Variants in ANKS1B observed in about 807,000 individuals in gnomAD.
The protein encoded by ANKS1B is ankyrin repeat and sterile alpha motif domain containing 1B, also known as ankyrin repeat and sterile alpha motif domain-containing protein 1B.
In ANKS1B, 36 loss-of-function variants were observed where a neutral mutation model predicts 148.3. The observed-to-expected ratio is 0.24, with a 90% confidence interval of 0.19 to 0.32. ANKS1B has a LOEUF of 0.32. Among genes scored for constraint, ANKS1B ranks in the 10% least tolerant of loss-of-function variants. ANKS1B has a pLI of 1.00. For synonymous variants in ANKS1B, 542 were observed against 560.8 expected (o/e 0.97, Z 0.47); for missense variants, 1,157 against 1,542.6 (o/e 0.75, Z 4.19).
At chr12:99,269,207 A>C (rs1413586496) in intron 12 of ANKS1B, among the ~76,000 whole-genome samples, 1 of 152,196 alleles carries the variant, frequency 6.6e-6, no homozygotes, top group Non-Finnish European at 1.5e-5. Flanking sequence ...TAAGGCAGTT[A>C]GTTTTGACTA....
At chr12:99,294,660 C>CT (rs890696792) in intron 12 of ANKS1B, among the ~76,000 whole-genome samples, 43 of 144,280 alleles carry the variant, frequency 3.0e-4, no homozygotes, top group Admixed American at 8.8e-4. Flanking sequence ...TATTGCACTT[C>CT]TTTTTTTTTT....
chr12:99,825,102 ATTTCTTTCAGC>A (rs1308580367), intron 2 of ANKS1B, among the ~76,000 whole-genome samples, 196 bp downstream of exon 2: 1 of 152,154 alleles, frequency 6.6e-6, no homozygotes, highest in Non-Finnish European at 1.5e-5. Context: ...ATTTTAGAGC[ATTTCTTTCAGC>A]TTACACTCTG....
At chr12:99,299,935 C>T (rs1231043481) in intron 12 of ANKS1B, among the ~76,000 whole-genome samples, 1 of 152,054 alleles carries the variant, frequency 6.6e-6, no homozygotes, top group Non-Finnish European at 1.5e-5. Context: ...GAACTTATTG[C>T]TGTTCCTATG....
chr12:98,739,754 GA>G, downstream of ANKS1B, among the ~76,000 whole-genome samples: 1 of 152,168 alleles, frequency 6.6e-6, no homozygotes, highest in East Asian at 1.9e-4. Flanking sequence ...GTGGGGCTTA[GA>G]AAAAACATGT....
chr12:98,745,140 T>C lies in ANKS1B; in HGVS notation c.*599A>G. 2.0e-6 allele frequency: 2 copies of C among 985,888 alleles called. No individual in the cohort carries two copies. The highest frequency in any genetic ancestry group is 2.4e-6 in the Non-Finnish European group (2 of 829,954). The allele number at this position is 985,888 out of a possible 1,614,324, so 61.1% of individuals were successfully genotyped here. On this transcript the variant is annotated 3_prime_UTR_variant, in exon 27 of 27. Transcript: ENST00000683438. ...CCAATCATTTGGTTGAAAGGTTTTC[T>C]TTCTCTGACATAGGTGATTACATAT...
chr12:98,997,404 ATT>A (rs34655015), intron 17 of ANKS1B, among the ~76,000 whole-genome samples: 6,134 of 138,234 alleles, frequency 0.044, 409 homozygotes, highest in African/African-American at 0.15. Context: ...AGTGTTTGCA[ATT>A]TTTTTTTTTT....
Position 98,801,520 on chromosome 12 carries a change from C to T in ANKS1B, c.3142-395G>A, listed in dbSNP as rs1230482971. ...TTGAATTGCTTTCACATTCAGAACA[C>T]ACAGTTCTATAAATTTCAGTTCCCA... On this transcript the variant is annotated intron_variant, in intron 20 of 26. Transcript: ENST00000683438. The surrounding 1 kb of genome is among the most constrained non-coding windows in gnomAD (Gnocchi z 5.2). Among the ~76,000 whole-genome samples the T allele has an allele frequency of 2.0e-5, 3 of 152,188 alleles. No homozygotes were observed. The highest frequency in any genetic ancestry group is 2.9e-5 in the Non-Finnish European group (2 of 68,030).
chr12:99,356,943 T>C lies in ANKS1B; in HGVS notation c.1756+42688A>G, dbSNP rs1234600170. On this transcript the variant is annotated intron_variant, in intron 12 of 26. Coordinates refer to ENST00000683438, the MANE Select transcript of ANKS1B (RefSeq NM_001352186.2). ...GGTCCATATTCTTCTAGACTTTTTT[T>C]TTTTTGGCTACTCATGTATTCATTT... Among the ~76,000 whole-genome samples, 4 of 152,008 alleles carry C rather than the reference T, an allele frequency of 2.6e-5. No homozygotes were observed. The South Asian group carries it at 8.3e-4, about 32-fold the overall frequency.
intron 9 of ANKS1B, among the ~76,000 whole-genome samples, chr12:99,618,885 T>C (rs1389649009): frequency 6.6e-6 from 1 of 152,152 alleles, no homozygotes; most frequent in Non-Finnish European, 1.5e-5. Context: ...ATGGCTGCTC[T>C]GGAACAGGCT....
intron 17 of ANKS1B, among the ~76,000 whole-genome samples, chr12:98,862,627 A>G (rs1262370774): frequency 3.3e-5 from 5 of 152,238 alleles, no homozygotes; most frequent in Non-Finnish European, 7.3e-5. Context: ...AATGTAACTT[A>G]GCAATGACTG....
intron 8 of ANKS1B, among the ~76,000 whole-genome samples, chr12:99,719,573 C>T (rs1028816188): frequency 6.6e-6 from 1 of 152,138 alleles, no homozygotes; most frequent in African/African-American, 2.4e-5. Context: ...ACTGCTCTGC[C>T]CCCCTCCACT....
chr12:99,028,132 AT>A (rs1173335752), intron 17 of ANKS1B, among the ~76,000 whole-genome samples: 8 of 152,226 alleles, frequency 5.3e-5, no homozygotes, highest in Admixed American at 5.2e-4. Context: ...TGAATTAAAT[AT>A]TTTTTAAAAA....
chr12:99,561,964 T>C (rs1156441838), intron 9 of ANKS1B, among the ~76,000 whole-genome samples: 1 of 152,228 alleles, frequency 6.6e-6, no homozygotes, highest in Non-Finnish European at 1.5e-5. Flanking sequence ...AGTCTTACAT[T>C]ATATATTTCA....
intron 12 of ANKS1B, among the ~76,000 whole-genome samples, chr12:99,335,289 A>G (rs2088570413): frequency 1.3e-5 from 2 of 152,136 alleles, no homozygotes; most frequent in Middle Eastern, 3.4e-3. Context: ...TATAATGTGT[A>G]ATAATCACAT....
At chr12:99,390,348 G>A (rs2094015149) in intron 12 of ANKS1B, among the ~76,000 whole-genome samples, 1 of 152,096 alleles carries the variant, frequency 6.6e-6, no homozygotes, top group Non-Finnish European at 1.5e-5. Flanking sequence ...CGGAAGAAAA[G>A]GTGGGTTAGC....
At position 99,065,589 on chromosome 12, in the gene ANKS1B, T is replaced by TCCA. The variant is rs1263571806; in HGVS notation, c.2626-12281_2626-12280insTGG. On this transcript the variant is annotated intron_variant, in intron 16 of 26. Coordinates refer to ENST00000683438, the MANE Select transcript of ANKS1B (RefSeq NM_001352186.2). ...AAATGAGGACCTACCATCCATTCCA[T>TCCA]TCATCCATCCATCCATCCATCCATC... 8.1e-3 allele frequency among the ~76,000 whole-genome samples: 1,001 copies of TCCA among 123,196 alleles called. 25 individuals are homozygous for TCCA. The highest frequency in any genetic ancestry group is 0.028 in the African/African-American group (941 of 33,252). 80.8% of individuals were successfully genotyped at this position (123,196 alleles called of 152,430 possible). A position where few individuals can be genotyped will look rare whatever the true frequency, so the allele number is the denominator to read the frequency against.
intron 10 of ANKS1B, among the ~76,000 whole-genome samples, chr12:99,499,497 A>G (rs2096635526): frequency 6.6e-6 from 1 of 152,208 alleles, no homozygotes; most frequent in African/African-American, 2.4e-5. Flanking sequence ...ACTTTAGTTA[A>G]CACTCCTTCA....
intron 10 of ANKS1B, among the ~76,000 whole-genome samples, chr12:99,459,560 G>C (rs1235184204): frequency 2.6e-5 from 4 of 151,966 alleles, no homozygotes; most frequent in African/African-American, 9.7e-5. Flanking sequence ...ATTCAGCAAA[G>C]TTTCAGGATA....
At chr12:99,546,538 C>T (rs1484603061) in intron 9 of ANKS1B, among the ~76,000 whole-genome samples, 2 of 152,142 alleles carry the variant, frequency 1.3e-5, no homozygotes, top group Non-Finnish European at 2.9e-5. Context: ...ATCAATAATT[C>T]TTCCCTACTG....
Sources: gnomAD v4.1 joint callset for allele counts (sites outside exome capture counted in the v4.1 genomes callset) on GRCh38, gnomAD v4.1.1 for gene constraint, Gnocchi (gnomAD v3.1) non-coding constraint, MANE v1.5 for transcripts, NCBI Gene and HGNC (gene_info 2026-07-23, HGNC 2026-07-21) for gene names.